KSR2: variants seen among roughly 807,000 people sequenced by gnomAD.
KSR2 encodes the protein kinase suppressor of ras 2.
A neutral mutation model predicts 107.8 loss-of-function variants in KSR2; 25 were observed. The observed-to-expected ratio is 0.23, with a 90% CI of 0.17 to 0.32. KSR2 has a LOEUF of 0.32. Among genes scored for constraint, KSR2 ranks in the 10% least tolerant of loss-of-function variants. The pLI is 1.00. For synonymous variants in KSR2, 480 were observed against 507.0 expected (o/e 0.95, Z 0.71); for missense variants, 887 against 1,268.9 (o/e 0.70, Z 4.57).
chr12:117,778,548 G>A (rs1465584892), intron 3 of KSR2, among the ~76,000 whole-genome samples: 3 of 152,218 alleles, frequency 2.0e-5, no homozygotes, highest in Non-Finnish European at 2.9e-5. Context: ...ATAGTCTTGA[G>A]AAATGAAGGC....
chr12:117,685,887 T>C (rs559428863), intron 4 of KSR2, among the ~76,000 whole-genome samples: 42 of 150,344 alleles, frequency 2.8e-4, no homozygotes, highest in African/African-American at 9.8e-4. Flanking sequence ...ATTTTAATGC[T>C]GATTCCCCCC....
chr12:117,857,593 C>T (rs1893144988), intron 2 of KSR2, among the ~76,000 whole-genome samples: 1 of 152,118 alleles, frequency 6.6e-6, no homozygotes, highest in African/African-American at 2.4e-5. Flanking sequence ...GCAGACACAC[C>T]TCTGTTTGAT....
chr12:117,748,255 T>C (rs1356371331), intron 4 of KSR2, among the ~76,000 whole-genome samples: 3 of 151,940 alleles, frequency 2.0e-5, no homozygotes, highest in Non-Finnish European at 4.4e-5. Context: ...CTCGTAAAAG[T>C]AGAGAATAGA....
intron 4 of KSR2, among the ~76,000 whole-genome samples, chr12:117,679,994 A>C (rs1885302873): frequency 6.6e-6 from 1 of 152,204 alleles, no homozygotes; most frequent in South Asian, 2.1e-4. Flanking sequence ...AATATTTACT[A>C]TCTGACTCTT....
rs943370146 is a variant in KSR2, at chr12:117,469,652, G to A, written c.2846+10C>T. 8.0e-5 allele frequency: 129 copies of A among 1,611,228 alleles called. No homozygotes were observed. The highest frequency in any genetic ancestry group is 8.7e-5 in the Non-Finnish European group (103 of 1,178,784). On this transcript the variant is annotated intron_variant, in intron 19 of 19. Coordinates refer to ENST00000339824, the MANE Select transcript of KSR2 (RefSeq NM_173598.6). ...GGCAGTGGGGAGAGACATTAAGGGA[G>A]AAAACCTACTCTGCAGACTTCCAGA...
At chr12:117,504,096 C>T (rs557143681) in intron 14 of KSR2, among the ~76,000 whole-genome samples, 27 of 152,318 alleles carry the variant, frequency 1.8e-4, no homozygotes, top group African/African-American at 5.8e-4. Context: ...CTTTCTCCTA[C>T]TTCTCACAGA....
In KSR2 at chr12:117,781,284, T is replaced by C. The variant is rs140764132; in HGVS notation, c.473-19760A>G. Among the ~76,000 whole-genome samples, 734 of 152,282 alleles carry C rather than the reference T, an allele frequency of 4.8e-3. 5 individuals are homozygous for C. Among genetic ancestry groups the C allele is most frequent in the African/African-American group, 0.016 (679 of 41,550 alleles). ...CCTTTATAAATTACCCAGTCTCAGG[T>C]ATGTCTTTATTAGCAGCGTGAGAAC... On this transcript the variant is annotated intron_variant, in intron 3 of 19. Coordinates refer to ENST00000339824, the MANE Select transcript of KSR2 (RefSeq NM_173598.6).
chr12:117,588,768 G>C (rs747862572), intron 5 of KSR2, among the ~76,000 whole-genome samples: 1 of 152,198 alleles, frequency 6.6e-6, no homozygotes, highest in African/African-American at 2.4e-5. Flanking sequence ...GTGACCTGCT[G>C]TGTGTCTTTG....
chr12:117,843,849 T>TGCCAGATG (rs1892594188), intron 3 of KSR2, among the ~76,000 whole-genome samples: 2 of 151,886 alleles, frequency 1.3e-5, no homozygotes, highest in African/African-American at 4.8e-5. Context: ...ACGTATTGGC[T>TGCCAGATG]GCCAGATGTC....
chr12:117,811,769 A>G (rs1891197938), intron 3 of KSR2, among the ~76,000 whole-genome samples: 1 of 152,220 alleles, frequency 6.6e-6, no homozygotes, highest in South Asian at 2.1e-4. Flanking sequence ...TATCACTACA[A>G]TTAGCTAAGG....
intron 1 of KSR2, among the ~76,000 whole-genome samples, chr12:117,933,690 G>C (rs754359409): frequency 9.2e-5 from 14 of 152,128 alleles, no homozygotes; most frequent in East Asian, 1.9e-4. Flanking sequence ...AAGTCATAAA[G>C]TACTTTGGTT....
intron 5 of KSR2, among the ~76,000 whole-genome samples, chr12:117,604,983 T>G (rs1274555449): frequency 1.3e-5 from 2 of 152,218 alleles, no homozygotes; most frequent in Admixed American, 6.5e-5. Flanking sequence ...TATTAGCAAC[T>G]AATTCAGGGG....
chr12:117,508,951 A>G (rs1873867420), intron 14 of KSR2, among the ~76,000 whole-genome samples: 1 of 149,942 alleles, frequency 6.7e-6, no homozygotes, highest in Non-Finnish European at 1.5e-5. Context: ...GGATGAGTGG[A>G]TGGATGGTAG....
In KSR2 at chr12:117,761,234, G is replaced by A. The variant is rs775458337; in HGVS notation, c.763C>T (p.Arg255Trp). The A allele has an allele frequency of 2.9e-5, 45 of 1,540,716 alleles. No individual in the cohort carries two copies. The highest frequency in any genetic ancestry group is 9.7e-5 in the African/African-American group (7 of 72,480). ...HRSLPPSPRQ[R>W]HAVRTPPRTP... ...CGCGGCGGGGTGCGGACCGCGTGCC[G>A]CTGCCGGGGCGATGGGGGCAGGGAA... Residue 255 changes from arginine (R) to tryptophan (W), a missense_variant, in exon 4 of 20, where the codon CGG becomes TGG. Around this residue, in one of 8 missense-constraint regions of KSR2, gnomAD observed 399 missense variants for 479.5 expected, o/e 0.83. Transcript: ENST00000339824.
Position 117,505,251 on chromosome 12 carries a change from A to G in KSR2, c.2220-19560T>C, listed in dbSNP as rs144685169. Among the ~76,000 whole-genome samples the G allele has an allele frequency of 1.8e-3, 281 of 152,280 alleles. 3 individuals are homozygous for G. Among genetic ancestry groups the G allele is most frequent in the African/African-American group, 6.5e-3 (269 of 41,564 alleles). ...CAGTCCTTATGCAGTCCCCTCACCA[A>G]CGTGGAAGCTATCACATCATGTTGA... On this transcript the variant is annotated intron_variant, in intron 14 of 19. Coordinates refer to ENST00000339824, the MANE Select transcript of KSR2 (RefSeq NM_173598.6).
At chr12:117,785,414 CAAAAAAAAAAA>C (rs374881532) in intron 3 of KSR2, among the ~76,000 whole-genome samples, 55 of 37,416 alleles carry the variant, frequency 1.5e-3, no homozygotes, top group Middle Eastern at 0.014. Context: ...GACTCCATCT[CAAAAAAAAAAA>C]AAAAAAAAAA....
intron 4 of KSR2, among the ~76,000 whole-genome samples, chr12:117,721,614 G>T (rs149617077): frequency 6.6e-6 from 1 of 152,240 alleles, no homozygotes; most frequent in African/African-American, 2.4e-5. Context: ...ACTTCCCAAC[G>T]ACCACTGCTG....
intron 1 of KSR2, among the ~76,000 whole-genome samples, chr12:117,957,821 G>A (rs946888667): frequency 7.0e-6 from 1 of 143,562 alleles, no homozygotes; most frequent in Non-Finnish European, 1.5e-5. Flanking sequence ...AGTCCTCACA[G>A]GCTGACCACC....
At chr12:117,734,749 C>CATGG (rs1240974255) in intron 4 of KSR2, among the ~76,000 whole-genome samples, 1,557 of 149,140 alleles carry the variant, frequency 0.01, 33 homozygotes, top group African/African-American at 0.036. Context: ...TGCATGCATG[C>CATGG]ATGCATGGAT....
Sources: allele counts gnomAD v4.1 joint callset (sites outside exome capture counted in the v4.1 genomes callset), GRCh38; gene constraint gnomAD v4.1.1; regional missense constraint gnomAD v4.1.1; transcripts MANE v1.5; gene names NCBI Gene and HGNC (gene_info 2026-07-23, HGNC 2026-07-21).